The following ZNF592 variants were observed in gnomAD, a reference collection of about 807,000 sequenced individuals.
ZNF592 encodes the protein zinc finger protein 592.
In ZNF592, 11 loss-of-function variants were observed where a neutral mutation model predicts 80.3. The observed-to-expected ratio is 0.14, with a 90% CI of 0.09 to 0.23. The LOEUF (loss-of-function observed/expected upper bound fraction) is 0.23. Among genes scored for constraint, ZNF592 ranks in the 10% least tolerant of loss-of-function variants. The probability of loss-of-function intolerance (pLI) is 1.00; values close to 1 mark genes in which losing one functional copy is unlikely to be tolerated. For synonymous variants in ZNF592, 646 were observed against 640.3 expected (o/e 1.01, Z -0.13); for missense variants, 1,420 against 1,633.9 (o/e 0.87, Z 2.26).
At position 84,783,375 on chromosome 15, in the gene ZNF592, G is replaced by A. The variant is rs749394191; in HGVS notation, c.700G>A (p.Ala234Thr). 2.5e-6 allele frequency: 4 copies of A among 1,614,218 alleles called. No homozygotes were observed. Among genetic ancestry groups the A allele is most frequent in the Admixed American group, 1.7e-5 (1 of 60,026 alleles). Residue 234 changes from alanine (A) to threonine (T), a missense_variant, in exon 4 of 11, where the codon GCC (alanine) becomes ACC (threonine). Physicochemically the swap from Ala to Thr is moderately conservative, Grantham distance 58. Transcript: ENST00000560079. This position sits in a 1 kb window ranked among gnomAD's most constrained non-coding sequence, Gnocchi z 5.0. ...AGTGGAACCTCACAAGGATCCGGAT[G>A]CCACTCGATTCTTCGGGGAAGCTTT... ...NTVEPHKDPD[A>T]TRFFGEALEF...
chr15:84,765,532 A>ATTTT (rs1200418029), intron 2 of ZNF592, among the ~76,000 whole-genome samples: 2 of 63,612 alleles, frequency 3.1e-5, no homozygotes, highest in Admixed American at 1.7e-4. Context: ...ACTTGTTATT[A>ATTTT]TTGTTTTTTT....
In ZNF592 at chr15:84,802,402, T is replaced by A; in HGVS notation, c.*9T>A. On this transcript the variant is annotated 3_prime_UTR_variant, in exon 11 of 11. Coordinates refer to ENST00000560079, the MANE Select transcript of ZNF592 (RefSeq NM_014630.3). ...TGTCCCCTCAGGTGTGACCGGAGAC[T>A]TTGCAGTGTGCATGGTCAGGGGTGG... 6.2e-7 allele frequency: 1 copy of A among 1,613,212 alleles called. No individual in the cohort carries two copies. Among genetic ancestry groups the A allele is most frequent in the Non-Finnish European group, 8.5e-7 (1 of 1,179,950 alleles).
intron 4 of ZNF592, among the ~76,000 whole-genome samples, chr15:84,786,809 C>T (rs969210887): frequency 3.4e-5 from 5 of 148,284 alleles, no homozygotes; most frequent in African/African-American, 5.0e-5. Flanking sequence ...GATGCCTGGG[C>T]CTGGGATTTT....
chr15:84,753,757 G>A (rs892941062), intron 1 of ZNF592, among the ~76,000 whole-genome samples: 2 of 152,236 alleles, frequency 1.3e-5, no homozygotes, highest in Admixed American at 6.5e-5. Context: ...ACAGGCATGA[G>A]CCCCTATGCC....
At chr15:84,791,416 A>G (rs983248794) in intron 5 of ZNF592, among the ~76,000 whole-genome samples, 2 of 152,142 alleles carry the variant, frequency 1.3e-5, no homozygotes, top group African/African-American at 4.8e-5. Flanking sequence ...GAAAACTCTT[A>G]TTTTCAATGG....
Position 84,799,821 on chromosome 15 carries a change from C to T in ZNF592, c.3138-21C>T, listed in dbSNP as rs770386691. On this transcript the variant is annotated intron_variant, in intron 9 of 10. Transcript: ENST00000560079. The surrounding 1 kb of genome is among the most constrained non-coding windows in gnomAD (Gnocchi z 4.2). The stretch of plus-strand genomic sequence containing the variant: ...CCTGCGGCCCGGGCACTTACCTGAC[C>T]TCTCCGCTGTGCTTCTGCAGGTACT... The T allele has an allele frequency of 1.2e-6, 2 of 1,613,726 alleles. No homozygotes were observed. The highest frequency in any genetic ancestry group is 8.5e-7 in the Non-Finnish European group (1 of 1,180,010).
At chr15:84,767,453 C>T (rs1390726398) in intron 2 of ZNF592, among the ~76,000 whole-genome samples, 1 of 152,186 alleles carries the variant, frequency 6.6e-6, no homozygotes, top group Admixed American at 6.5e-5. Flanking sequence ...ACAAAGTTTA[C>T]TGGGAGGAAC....
chr15:84,772,273 C>T (rs1402792532), intron 2 of ZNF592, among the ~76,000 whole-genome samples: 3 of 152,110 alleles, frequency 2.0e-5, no homozygotes, highest in Non-Finnish European at 4.4e-5. Context: ...TGAGTTCAGG[C>T]GAGGCTCCTG....
rs571342904 is a variant in ZNF592, at chr15:84,775,962, G to A, written c.-149-2221G>A. Among the ~76,000 whole-genome samples, 9 of 152,302 alleles carry A rather than the reference G, an allele frequency of 5.9e-5. No individual in the cohort carries two copies. The South Asian group carries it at 1.4e-3, about 25-fold the overall frequency. On this transcript the variant is annotated intron_variant, in intron 2 of 10. Coordinates refer to ENST00000560079, the MANE Select transcript of ZNF592 (RefSeq NM_014630.3). Reference sequence around the variant, plus strand: ...AGGTAGAAACTTATTCTGAGAGAGGGTATAGTTGTCAATCTGCCAGTCTTA... The same window carrying A: ...AGGTAGAAACTTATTCTGAGAGAGGATATAGTTGTCAATCTGCCAGTCTTA...
rs1404849223 is a variant in ZNF592 at position 84,801,957 on chromosome 15, T to A, written c.3368T>A (p.Leu1123His). Residue 1123 changes from leucine to histidine, a missense_variant, in exon 11 of 11, where the codon CTT (leucine) becomes CAT (histidine). By Grantham distance (99) the Leu-to-His change is moderately conservative. Transcript: ENST00000560079. ...TCTTCCACCAAAAGGCACAAGTCCC[T>A]TTTTCAGTGCGCGAAATGTAGTTTT... Reference protein sequence around the residue: ...TVSSTKRHKSLFQCAKCSFAT... With the variant: ...TVSSTKRHKSHFQCAKCSFAT... 6.2e-6 allele frequency: 10 copies of A among 1,613,844 alleles called. No individual in the cohort carries two copies. The highest frequency in any genetic ancestry group is 8.5e-6 in the Non-Finnish European group (10 of 1,179,854).
rs1390361485 is a variant in ZNF592, at chr15:84,783,653, C to T, written c.978C>T (p.Pro326=). The T allele has an allele frequency of 1.2e-6, 2 of 1,614,184 alleles. No individual in the cohort carries two copies. The highest frequency in any genetic ancestry group is 1.7e-6 in the Non-Finnish European group (2 of 1,180,018). The part of the protein sequence containing the change: ...KESSKGSPKM[P]KSPKSPRSPL... The stretch of plus-strand genomic sequence containing the variant: ...GTTCTAAAGGTAGCCCCAAAATGCC[C>T]AAGTCACCAAAGAGTCCCCGGAGCC... Residue 326 remains proline, a synonymous_variant, in exon 4 of 11, where the codon CCC becomes CCT. Transcript: ENST00000560079. The surrounding 1 kb of genome is among the most constrained non-coding windows in gnomAD (Gnocchi z 5.0).
chr15:84,749,471 A>G (rs1898949803), intron 1 of ZNF592, among the ~76,000 whole-genome samples: 1 of 152,124 alleles, frequency 6.6e-6, no homozygotes, highest in African/African-American at 2.4e-5. Context: ...ATTTTAAACC[A>G]TTTTTTGAGT....
chr15:84,763,435 A>G (rs1899409433), intron 1 of ZNF592, among the ~76,000 whole-genome samples: 1 of 152,168 alleles, frequency 6.6e-6, no homozygotes, highest in South Asian at 2.1e-4. Flanking sequence ...TAAATAACCT[A>G]GTATACTCAT....
At position 84,783,430 on chromosome 15, in the gene ZNF592, T is replaced by C; in HGVS notation, c.755T>C (p.Ile252Thr). 6.2e-7 allele frequency: 1 copy of C among 1,614,166 alleles called. No individual in the cohort carries two copies. The highest frequency in any genetic ancestry group is 8.5e-7 in the Non-Finnish European group (1 of 1,180,032). ...LEFNSHPSNS[I>T]GESKGLAREL... ...TTCAACAGCCATCCTAGCAACAGTA[T>C]TGGAGAGTCCAAGGGGCTTGCCCGG... is the stretch of plus-strand genomic sequence containing the variant. The change falls in exon 4 of 11, where the codon ATT becomes ACT. Residue 252 changes from isoleucine (I) to threonine (T), a missense_variant. Physicochemically the swap from Ile to Thr is moderately conservative, Grantham distance 89. Around this residue, in one of 7 missense-constraint regions of ZNF592, gnomAD observed 373 missense variants for 355.5 expected, o/e 1.05. Transcript: ENST00000560079. The surrounding 1 kb of genome is among the most constrained non-coding windows in gnomAD (Gnocchi z 5.0).
intron 3 of ZNF592, among the ~76,000 whole-genome samples, chr15:84,780,712 G>C (rs1367550641): frequency 6.6e-6 from 1 of 152,126 alleles, no homozygotes; most frequent in African/African-American, 2.4e-5. Flanking sequence ...TGATCCCACG[G>C]GGTGGTAAGA....
At chr15:84,787,454 A>C (rs1567072269) in intron 4 of ZNF592, among the ~76,000 whole-genome samples, 1 of 152,166 alleles carries the variant, frequency 6.6e-6, no homozygotes, top group Non-Finnish European at 1.5e-5. Context: ...TGGGTTTTCC[A>C]CAGGACAGTA....
At chr15:84,772,592 A>G (rs1261711097) in intron 2 of ZNF592, among the ~76,000 whole-genome samples, 1 of 152,202 alleles carries the variant, frequency 6.6e-6, no homozygotes, top group Non-Finnish European at 1.5e-5. Flanking sequence ...ATTACAAGCA[A>G]TAATGCAACA....
rs781091819 is a variant in ZNF592 at position 84,784,505 on chromosome 15, C to T, written c.1830C>T (p.Ser610=). ...TGAGCCAGCACTATGGCCGGCGGAG[C>T]GTCCACATTGAGGTACTGTGCACAC... is the stretch of plus-strand genomic sequence containing the variant. ...KSLSQHYGRR[S]VHIEVLCTLC... The change falls in exon 4 of 11, where the codon AGC becomes AGT. Residue 610 remains serine, a synonymous_variant. Coordinates refer to ENST00000560079, the MANE Select transcript of ZNF592 (RefSeq NM_014630.3). This position sits in a 1 kb window ranked among gnomAD's most constrained non-coding sequence, Gnocchi z 5.8. 2.5e-6 allele frequency: 4 copies of T among 1,614,166 alleles called. No homozygotes were observed. Among genetic ancestry groups the T allele is most frequent in the South Asian group, 2.2e-5 (2 of 91,086 alleles).
At chr15:84,765,298 T>G (rs1899475402) in intron 2 of ZNF592, among the ~76,000 whole-genome samples, 1 of 152,192 alleles carries the variant, frequency 6.6e-6, no homozygotes, top group South Asian at 2.1e-4. Context: ...CTTCCACCTT[T>G]GAGTGTTATG....
Sources: gnomAD v4.1 joint callset for allele counts (sites outside exome capture counted in the v4.1 genomes callset) on GRCh38, gnomAD v4.1.1 for gene constraint, gnomAD v4.1.1 regional missense constraint, Gnocchi (gnomAD v3.1) non-coding constraint, MANE v1.5 for transcripts, NCBI Gene and HGNC (gene_info 2026-07-23, HGNC 2026-07-21) for gene names.